Variants in ATP13A3 observed in about 807,000 individuals in gnomAD.
ATP13A3 encodes the protein polyamine-transporting ATPase 13A3.
Under a neutral mutation model 158.1 loss-of-function variants are expected in ATP13A3, and 59 were observed. That is an observed-to-expected ratio of 0.37 (90% confidence interval 0.30 to 0.46). The LOEUF is 0.46. ATP13A3 is among the 20% of genes least tolerant of loss of function. The pLI, the probability that ATP13A3 is intolerant of heterozygous loss-of-function variation, is 1.00. For synonymous variants in ATP13A3, 491 were observed against 504.3 expected (o/e 0.97, Z 0.35); for missense variants, 1,166 against 1,525.2 (o/e 0.76, Z 3.92).
At position 194,416,240 on chromosome 3, in the gene ATP13A3, G is replaced by A. The variant is rs1224735067; in HGVS notation, c.3403-2401C>T. Among the ~76,000 whole-genome samples the A allele has an allele frequency of 2.6e-5, 4 of 152,182 alleles. No homozygotes were observed. The South Asian group carries it at 6.2e-4, about 24-fold the overall frequency. ...TTTGGGAGGCCACGGTGGGTGGATC[G>A]TGAGGTCAGGAGTTCGATACCAGTC... is the stretch of plus-strand genomic sequence containing the variant. On this transcript the variant is annotated intron_variant, in intron 31 of 33. Transcript: ENST00000645319.
intron 2 of ATP13A3, among the ~76,000 whole-genome samples, chr3:194,464,360 T>C (rs893742451): frequency 9.2e-5 from 14 of 152,190 alleles, no homozygotes; most frequent in African/African-American, 2.4e-5. Flanking sequence ...AAACAAGCCG[T>C]ATGACCACAC....
intron 2 of ATP13A3, among the ~76,000 whole-genome samples, chr3:194,482,435 A>G (rs1210837074): frequency 6.6e-6 from 1 of 152,212 alleles, no homozygotes; most frequent in Non-Finnish European, 1.5e-5. Flanking sequence ...ATCACTAGTT[A>G]TCTAGTGATA....
chr3:194,431,162 G>C lies in ATP13A3; in HGVS notation c.2486C>G (p.Ala829Gly). Residue 829 changes from alanine (A) to glycine (G), a missense_variant, in exon 23 of 34, where the codon GCA becomes GGA. Around this residue, in one of 3 missense-constraint regions of ATP13A3, gnomAD observed 997 missense variants for 1,341.2 expected, o/e 0.74. Transcript: ENST00000645319. ...CACTGAGAATGATTTTCCATTCATT[G>C]CAAAATGATAACGAGTCATTTGAAG... is the stretch of plus-strand genomic sequence containing the variant. ...EDLQMTRYHFAMNGKSFSVIL... is the reference protein window; with the variant it reads ...EDLQMTRYHFGMNGKSFSVIL... 6.2e-7 allele frequency: 1 copy of C among 1,613,592 alleles called. No homozygotes were observed. Among genetic ancestry groups the C allele is most frequent in the Non-Finnish European group, 8.5e-7 (1 of 1,179,566 alleles).
intron 6 of ATP13A3, among the ~76,000 whole-genome samples, chr3:194,458,403 T>C (rs1443353080): frequency 6.6e-6 from 1 of 152,168 alleles, no homozygotes; most frequent in Non-Finnish European, 1.5e-5. Context: ...TTCTTTGTTT[T>C]TATGAGACGC....
intron 17 of ATP13A3, among the ~76,000 whole-genome samples, 153 bp from the exon 18 acceptor site, chr3:194,437,726 T>C (rs1010083912): frequency 6.6e-6 from 1 of 152,242 alleles, no homozygotes; most frequent in African/African-American, 2.4e-5. Context: ...CCTTCTATAC[T>C]ACTTCCCATT....
intron 26 of ATP13A3, 76 bp downstream of exon 26, chr3:194,429,996 C>CAGAAGAGAAAA: frequency 8.3e-6 from 11 of 1,321,768 alleles, no homozygotes; most frequent in Non-Finnish European, 1.1e-5. Context: ...ATTCATGTTA[C>CAGAAGAGAAAA]TTTTTATGAT....
rs189929440 is a variant in ATP13A3 at position 194,429,549 on chromosome 3, G to A, written c.2874+129C>T. ...GCTATTCAAACTACAGTAAATTGAA[G>A]GTAAATTTATAGGTACTACTCACAG... On this transcript the variant is annotated intron_variant, in intron 27 of 33. Coordinates refer to ENST00000645319, the MANE Select transcript of ATP13A3 (RefSeq NM_001367549.1). 435 of 530,396 alleles carry A rather than the reference G, an allele frequency of 8.2e-4. 1 individual carries two copies. Among genetic ancestry groups the A allele is most frequent in the African/African-American group, 8.1e-3 (409 of 50,570 alleles). 32.9% of individuals were successfully genotyped at this position (530,396 alleles called of 1,614,324 possible). A position where few individuals can be genotyped will look rare whatever the true frequency, so the allele number is the denominator to read the frequency against.
chr3:194,470,440 T>TA (rs1720250996), intron 2 of ATP13A3, among the ~76,000 whole-genome samples: 1 of 152,170 alleles, frequency 6.6e-6, no homozygotes, highest in Non-Finnish European at 1.5e-5. Flanking sequence ...GCTTTTATCA[T>TA]ATACTCTATT....
intron 4 of ATP13A3, 138 bp from the exon 5 acceptor site, chr3:194,460,109 T>A: frequency 1.5e-6 from 1 of 685,200 alleles, no homozygotes; most frequent in Non-Finnish European, 2.3e-6. Context: ...CACTAAATAT[T>A]AAACCATTTC....
intron 2 of ATP13A3, among the ~76,000 whole-genome samples, chr3:194,476,766 GTTTTTTT>G (rs367780103): frequency 0.021 from 2,675 of 128,726 alleles, 95 homozygotes; most frequent in African/African-American, 0.073. Context: ...GTAAGTTGTT[GTTTTTTT>G]TTTTTTTCAA....
chr3:194,474,547 C>T lies in ATP13A3; in HGVS notation c.-47+11247G>A, dbSNP rs144211503. 3.1e-4 allele frequency among the ~76,000 whole-genome samples: 47 copies of T among 152,170 alleles called. 2 individuals are homozygous for T. Among genetic ancestry groups the T allele is most frequent in the African/African-American group, 1.1e-3 (45 of 41,544 alleles). On this transcript the variant is annotated intron_variant, in intron 2 of 33. Coordinates refer to ENST00000645319, the MANE Select transcript of ATP13A3 (RefSeq NM_001367549.1). ...GTAAACAAACCAAATGATAAATAAG[C>T]CTAATTCCCCCAAACTAAAAATTAT...
At position 194,446,646 on chromosome 3, in the gene ATP13A3, T is replaced by A. The variant is rs1229395157; in HGVS notation, c.1497+281A>T. Reference sequence around the variant, plus strand: ...GTTTGGTGATTTTTTGTGACCAAAATATGGCATAGGAACTTAAATCTCATT... The same window carrying A: ...GTTTGGTGATTTTTTGTGACCAAAAAATGGCATAGGAACTTAAATCTCATT... On this transcript the variant is annotated intron_variant, in intron 14 of 33. Coordinates refer to ENST00000645319, the MANE Select transcript of ATP13A3 (RefSeq NM_001367549.1). Among the ~76,000 whole-genome samples the A allele has an allele frequency of 3.3e-5, 5 of 152,228 alleles. No individual in the cohort carries two copies. The East Asian group carries it at 9.6e-4, about 29-fold the overall frequency.
upstream of ATP13A3, among the ~76,000 whole-genome samples, chr3:194,490,004 T>C (rs1721126834): frequency 6.6e-6 from 1 of 152,176 alleles, no homozygotes; most frequent in Non-Finnish European, 1.5e-5. This position sits in a 1 kb window ranked among gnomAD's most constrained non-coding sequence, Gnocchi z 4.4. Flanking sequence ...TCCTACTCAC[T>C]GTAAGCACCA....
At chr3:194,419,465 T>C (rs1215762122) in intron 31 of ATP13A3, among the ~76,000 whole-genome samples, 2 of 152,148 alleles carry the variant, frequency 1.3e-5, no homozygotes, top group African/African-American at 4.8e-5. Flanking sequence ...TAAATATGTG[T>C]GCATATTCTT....
intron 33 of ATP13A3, among the ~76,000 whole-genome samples, chr3:194,407,682 T>C (rs1715040140): frequency 6.6e-6 from 1 of 152,318 alleles, no homozygotes; most frequent in Non-Finnish European, 1.5e-5. Context: ...AAAAGTAAGC[T>C]ACGTGGCATT....
chr3:194,417,139 AAACTT>A (rs1217379405), intron 31 of ATP13A3, among the ~76,000 whole-genome samples: 1 of 152,108 alleles, frequency 6.6e-6, no homozygotes, highest in Non-Finnish European at 1.5e-5. Context: ...TTGACAAACT[AAACTT>A]AAAAGTTAAG....
chr3:194,429,594 C>T, intron 27 of ATP13A3, 84 bp downstream of exon 27: 1 of 929,914 alleles, frequency 1.1e-6, no homozygotes, highest in Non-Finnish European at 1.6e-6. Flanking sequence ...CTAATGGATG[C>T]ATTCAAAATC....
intron 24 of ATP13A3, 112 bp from the exon 25 acceptor site, chr3:194,430,427 C>T: frequency 8.5e-7 from 1 of 1,172,408 alleles, no homozygotes; most frequent in East Asian, 2.6e-5. Context: ...ACCAAGATTC[C>T]CCCAGTGGAA....
In ATP13A3 at chr3:194,403,916, GT is replaced by G. The variant is rs1179906012; in HGVS notation, c.*2002del. The G allele has an allele frequency of 1.1e-5, 3 of 282,368 alleles. No homozygotes were observed. Among genetic ancestry groups the G allele is most frequent in the Admixed American group, 5.2e-5 (1 of 19,224 alleles). 17.5% of individuals were successfully genotyped at this position (282,368 alleles called of 1,614,324 possible). A position where few individuals can be genotyped will look rare whatever the true frequency, so the allele number is the denominator to read the frequency against. On this transcript the variant is annotated 3_prime_UTR_variant, in exon 34 of 34. Coordinates refer to ENST00000645319, the MANE Select transcript of ATP13A3 (RefSeq NM_001367549.1). The stretch of plus-strand genomic sequence containing the variant: ...CTTACTAACTCTAAATGTTAAAAAA[GT>G]GGGGGGGGGGTGTCAAAAATAGCTC...
Sources: allele counts gnomAD v4.1 joint callset (sites outside exome capture counted in the v4.1 genomes callset), GRCh38; gene constraint gnomAD v4.1.1; regional missense constraint gnomAD v4.1.1; non-coding constraint Gnocchi (gnomAD v3.1); transcripts MANE v1.5; gene names NCBI Gene and HGNC (gene_info 2026-07-23, HGNC 2026-07-21).